Variants in EIF2B3 observed in about 807,000 individuals in gnomAD.
EIF2B3 encodes eukaryotic translation initiation factor 2B subunit gamma.
In EIF2B3, 20 loss-of-function variants were observed where a neutral mutation model predicts 54.1. That is an observed-to-expected ratio of 0.37 (90% CI 0.26 to 0.54). The LOEUF is 0.54. EIF2B3 is among the 20% of genes least tolerant of loss of function. The probability of loss-of-function intolerance (pLI) is 0.86; values close to 1 mark genes in which losing one functional copy is unlikely to be tolerated. For synonymous variants in EIF2B3, 153 were observed against 188.1 expected (o/e 0.81, Z 1.52); for missense variants, 448 against 547.8 (o/e 0.82, Z 1.82).
At chr1:44,959,836 T>C in intron 3 of EIF2B3, among the ~76,000 whole-genome samples, 1 of 152,246 alleles carries the variant, frequency 6.6e-6, no homozygotes, top group East Asian at 1.9e-4. Context: ...AGTATTTGTT[T>C]CAACTCTGGG....
At chr1:44,861,429 G>A (rs1249902098) in intron 10 of EIF2B3, among the ~76,000 whole-genome samples, 1 of 152,182 alleles carries the variant, frequency 6.6e-6, no homozygotes, top group African/African-American at 2.4e-5. Flanking sequence ...TGTATGCTCT[G>A]AAGCTAGGCA....
At chr1:44,986,138 C>CT (rs66786376) in intron 1 of EIF2B3, among the ~76,000 whole-genome samples, 3,515 of 142,194 alleles carry the variant, frequency 0.025, 95 homozygotes, top group African/African-American at 0.058. Flanking sequence ...CTTTTCTTTT[C>CT]TTTTTTTTTT....
chr1:44,947,488 T>G (rs1644115861), intron 3 of EIF2B3, among the ~76,000 whole-genome samples: 1 of 151,842 alleles, frequency 6.6e-6, no homozygotes, highest in Non-Finnish European at 1.5e-5. Flanking sequence ...AAACCGGATG[T>G]GTGTGTGTGT....
At chr1:44,934,995 A>G (rs996754356) in intron 4 of EIF2B3, among the ~76,000 whole-genome samples, 4 of 152,244 alleles carry the variant, frequency 2.6e-5, no homozygotes, top group African/African-American at 9.6e-5. Context: ...TAAGCCGATT[A>G]AGAGGTGACA....
chr1:44,983,294 C>G (rs1234082940), intron 1 of EIF2B3, among the ~76,000 whole-genome samples: 1 of 152,204 alleles, frequency 6.6e-6, no homozygotes, highest in Non-Finnish European at 1.5e-5. Context: ...ATGTAACGTT[C>G]AGAAGAAACA....
At chr1:44,926,850 G>A (rs1643858755) in intron 4 of EIF2B3, 111 bp from the exon 5 acceptor site, 1 of 990,030 alleles carries the variant, frequency 1.0e-6, no homozygotes, top group African/African-American at 1.6e-5. Flanking sequence ...ACACAGGATT[G>A]AAGGGTGGGT....
rs1655192869 is a variant in EIF2B3, at chr1:44,877,144, ATGAC to A, written c.976-1453_976-1450del. Among the ~76,000 whole-genome samples, 3 of 136,404 alleles carry A rather than the reference ATGAC, an allele frequency of 2.2e-5. 1 individual carries two copies. Among genetic ancestry groups the A allele is most frequent in the Admixed American group, 7.9e-5 (1 of 12,724 alleles). 89.5% of individuals were successfully genotyped at this position (136,404 alleles called of 152,430 possible). A position where few individuals can be genotyped will look rare whatever the true frequency, so the allele number is the denominator to read the frequency against. ...CTGACATTCCCTCCACTATTGTCCT[ATGAC>A]CCTGCCAAATCCCCCTCTGCGAGAA... On this transcript the variant is annotated intron_variant, in intron 8 of 11. Transcript: ENST00000360403.
At chr1:44,978,560 A>C in intron 2 of EIF2B3, 100 bp from the exon 3 acceptor site, 1 of 1,146,668 alleles carries the variant, frequency 8.7e-7, no homozygotes, top group Non-Finnish European at 1.3e-6. Flanking sequence ...TAGGTGTAAT[A>C]ACAACTGCTA....
At position 44,851,133 on chromosome 1, in the gene EIF2B3, C is replaced by T. The variant is rs150611158; in HGVS notation, c.1307-130G>A. ...AGGCTGGAGTGCAGTGGCACAATCTCGGCTTACTGCAACCTCCATCTCCCA... is the reference window on the plus strand; with the variant it reads ...AGGCTGGAGTGCAGTGGCACAATCTTGGCTTACTGCAACCTCCATCTCCCA... On this transcript the variant is annotated intron_variant, in intron 11 of 11. Coordinates refer to ENST00000360403, the MANE Select transcript of EIF2B3 (RefSeq NM_020365.5). 4.0e-3 allele frequency: 3,314 copies of T among 819,976 alleles called. 89 individuals carry two copies. The African/African-American group carries it at 0.051, about 13-fold the overall frequency. The allele number at this position is 819,976 out of a possible 1,614,324, so 50.8% of individuals were successfully genotyped here.
At chr1:44,893,576 A>G (rs1430358202) in intron 6 of EIF2B3, among the ~76,000 whole-genome samples, 1 of 152,218 alleles carries the variant, frequency 6.6e-6, no homozygotes, top group Non-Finnish European at 1.5e-5. Context: ...ATACCTAATG[A>G]GAGAACTATT....
At chr1:44,861,380 T>C (rs1438206442) in intron 10 of EIF2B3, among the ~76,000 whole-genome samples, 1 of 152,116 alleles carries the variant, frequency 6.6e-6, no homozygotes, top group Non-Finnish European at 1.5e-5. Flanking sequence ...AAGGTGGTAG[T>C]AGGGGTATGC....
intron 3 of EIF2B3, among the ~76,000 whole-genome samples, chr1:44,957,123 G>A (rs139816435): frequency 5.3e-5 from 8 of 152,222 alleles, no homozygotes; most frequent in African/African-American, 1.4e-4. Flanking sequence ...AAAATTAGCC[G>A]GGTATGGTGA....
At chr1:44,904,679 A>AGTTTTTTTTGT (rs1643381189) in intron 5 of EIF2B3, among the ~76,000 whole-genome samples, 1 of 152,058 alleles carries the variant, frequency 6.6e-6, no homozygotes, top group Admixed American at 6.6e-5. Flanking sequence ...GTGCCCGGCT[A>AGTTTTTTTTGT]ATTTTTTGTA....
At chr1:44,978,577 T>C (rs1021491292) in intron 2 of EIF2B3, 117 bp from the exon 3 acceptor site, 42 of 984,918 alleles carry the variant, frequency 4.3e-5, no homozygotes, top group Admixed American at 9.2e-5. Context: ...GCTAATATTA[T>C]TGTGCCTTTT....
intron 3 of EIF2B3, chr1:44,958,968 T>C: frequency 1.3e-6 from 1 of 767,474 alleles, no homozygotes; most frequent in Non-Finnish European, 2.3e-6. Context: ...AGAATTGACC[T>C]CTATGAAAGG....
chr1:44,928,184 C>T (rs1294241990), intron 4 of EIF2B3, among the ~76,000 whole-genome samples: 1 of 152,030 alleles, frequency 6.6e-6, no homozygotes, highest in African/African-American at 2.4e-5. Flanking sequence ...GTGGCTCACA[C>T]CTGTAATCCC....
chr1:44,956,028 G>A (rs533371927), intron 3 of EIF2B3, among the ~76,000 whole-genome samples: 1 of 152,224 alleles, frequency 6.6e-6, no homozygotes, highest in East Asian at 1.9e-4. Flanking sequence ...ATACCCAAAG[G>A]ATTATAAATC....
chr1:44,977,240 T>C lies in EIF2B3; in HGVS notation c.294+1075A>G, dbSNP rs1644461740. ...TCTCAGCTCATGGGCCACAAACCAT[T>C]GGGGAGACTATGTTCTCATATCTAT... On this transcript the variant is annotated intron_variant, in intron 3 of 11. Transcript: ENST00000360403. 2.0e-5 allele frequency among the ~76,000 whole-genome samples: 3 copies of C among 152,188 alleles called. 1 individual carries two copies. In the South Asian group the frequency reaches 6.2e-4, roughly 31 times the overall value.
intron 5 of EIF2B3, among the ~76,000 whole-genome samples, chr1:44,914,467 T>A (rs1643580874): frequency 6.6e-6 from 1 of 152,080 alleles, no homozygotes; most frequent in Admixed American, 6.6e-5. Context: ...AGCCAGAAAA[T>A]TTTTTAAAAT....
Sources: allele counts gnomAD v4.1 joint callset (sites outside exome capture counted in the v4.1 genomes callset), GRCh38; gene constraint gnomAD v4.1.1; transcripts MANE v1.5; gene names NCBI Gene and HGNC (gene_info 2026-07-23, HGNC 2026-07-21).